ZC3H12C: variants seen among roughly 807,000 people sequenced by gnomAD.
The protein encoded by ZC3H12C is probable ribonuclease ZC3H12C.
Under a neutral mutation model 76.3 loss-of-function variants are expected in ZC3H12C, and 20 were observed. The observed-to-expected ratio is 0.26, with a 90% confidence interval of 0.18 to 0.38. The LOEUF is 0.38. Among genes scored for constraint, ZC3H12C ranks in the 10% least tolerant of loss-of-function variants. ZC3H12C has a pLI of 1.00. For synonymous variants in ZC3H12C, 352 were observed against 399.6 expected (o/e 0.88, Z 1.42); for missense variants, 874 against 1,086.5 (o/e 0.80, Z 2.75).
At chr11:110,101,765 G>C (rs2134144468) in intron 1 of ZC3H12C, among the ~76,000 whole-genome samples, 2 of 151,992 alleles carry the variant, frequency 1.3e-5, no homozygotes, top group African/African-American at 4.8e-5. Flanking sequence ...GGCCAGGCTA[G>C]CCTTGAACTC....
At chr11:110,096,994 T>C (rs913454430) in intron 1 of ZC3H12C, among the ~76,000 whole-genome samples, 4 of 152,248 alleles carry the variant, frequency 2.6e-5, no homozygotes, top group Non-Finnish European at 4.4e-5. Flanking sequence ...TTTTTATTGA[T>C]TTTTATAACT....
At chr11:110,152,809 C>T (rs943029374) in intron 2 of ZC3H12C, 110 bp from the exon 3 acceptor site, 19 of 1,221,344 alleles carry the variant, frequency 1.6e-5, no homozygotes, top group East Asian at 7.7e-5. Context: ...TTAACTCTGA[C>T]GTCTCTTATT....
chr11:110,142,160 A>G (rs1862077448), intron 2 of ZC3H12C, among the ~76,000 whole-genome samples: 1 of 152,202 alleles, frequency 6.6e-6, no homozygotes, highest in Admixed American at 6.5e-5. Flanking sequence ...GTTTAATTAT[A>G]TCATTGTGGA....
At chr11:110,132,836 A>C (rs184055346) in intron 1 of ZC3H12C, among the ~76,000 whole-genome samples, 55 of 152,308 alleles carry the variant, frequency 3.6e-4, no homozygotes, top group African/African-American at 1.3e-3. Flanking sequence ...AGTAAATGCA[A>C]ACTTAAAAGT....
rs746870693 is a variant in ZC3H12C at position 110,165,767 on chromosome 11, G to GT, written c.*36dup. 2.3e-5 allele frequency: 36 copies of GT among 1,538,244 alleles called. No individual in the cohort carries two copies. The highest frequency in any genetic ancestry group is 4.0e-5 in the Admixed American group (2 of 49,744). ...TGATGCATCTTTGTGGTGTTTAGTA[G>GT]TTTTTTGTTCAGCTCAAATGCTGAG... On this transcript the variant is annotated 3_prime_UTR_variant, in exon 6 of 6. Transcript: ENST00000278590.
intron 2 of ZC3H12C, among the ~76,000 whole-genome samples, chr11:110,146,729 C>T (rs1862178153): frequency 6.6e-6 from 1 of 152,188 alleles, no homozygotes; most frequent in African/African-American, 2.4e-5. Flanking sequence ...TCTTAAGTTT[C>T]TTTGTCTTTA....
intron 2 of ZC3H12C, among the ~76,000 whole-genome samples, chr11:110,138,606 G>A (rs1862014010): frequency 6.6e-6 from 1 of 151,134 alleles, no homozygotes; most frequent in Non-Finnish European, 1.5e-5. Context: ...CACCCAGACT[G>A]GAGTGCAGTG....
intron 3 of ZC3H12C, among the ~76,000 whole-genome samples, chr11:110,156,253 T>C (rs1862375903): frequency 6.6e-6 from 1 of 152,154 alleles, no homozygotes; most frequent in East Asian, 1.9e-4. Flanking sequence ...AGCCCAATAC[T>C]CTTTCACTGC....
At chr11:110,114,469 G>C (rs1861489122) in intron 1 of ZC3H12C, among the ~76,000 whole-genome samples, 2 of 152,098 alleles carry the variant, frequency 1.3e-5, no homozygotes, top group Non-Finnish European at 2.9e-5. Flanking sequence ...ATAGCAACTT[G>C]TATTCATGTT....
At position 110,159,237 on chromosome 11, in the gene ZC3H12C, A is replaced by G. The variant is rs747501221; in HGVS notation, c.914-19A>G. The G allele has an allele frequency of 1.1e-5, 18 of 1,580,392 alleles. No individual in the cohort carries two copies. The South Asian group carries it at 2.1e-4, about 18-fold the overall frequency. On this transcript the variant is annotated intron_variant, in intron 3 of 5. Coordinates refer to ENST00000278590, the MANE Select transcript of ZC3H12C (RefSeq NM_033390.2). ...CTATGTATTTACTTTCTGCCATCCT[A>G]CCGTCATTATTCTTGCAGATCAGGA...
At chr11:110,104,474 A>G (rs1447556660) in intron 1 of ZC3H12C, among the ~76,000 whole-genome samples, 1 of 152,164 alleles carries the variant, frequency 6.6e-6, no homozygotes, top group Non-Finnish European at 1.5e-5. Context: ...GGAGAGACTT[A>G]CGCTGTGGAT....
rs1169656436 is a variant in ZC3H12C at position 110,170,697 on chromosome 11, T to G, written c.*4960T>G. ...TGAATTCGTTGGAAGTACACGCTGC[T>G]GAGCATGTTTATTCACAGTGCTTTA... On this transcript the variant is annotated 3_prime_UTR_variant, in exon 6 of 6. Transcript: ENST00000278590. 2.0e-5 allele frequency: 3 copies of G among 152,242 alleles called. No individual in the cohort carries two copies. The highest frequency in any genetic ancestry group is 2.0e-4 in the Admixed American group (3 of 15,290). 9.4% of individuals were successfully genotyped at this position (152,242 alleles called of 1,614,324 possible). A position where few individuals can be genotyped will look rare whatever the true frequency, so the allele number is the denominator to read the frequency against.
chr11:110,138,855 G>A (rs932055932), intron 2 of ZC3H12C, among the ~76,000 whole-genome samples: 2 of 152,090 alleles, frequency 1.3e-5, no homozygotes, highest in Non-Finnish European at 2.9e-5. Context: ...CACCACTCCT[G>A]GCCTGCATTA....
intron 2 of ZC3H12C, among the ~76,000 whole-genome samples, chr11:110,139,246 C>T (rs1472874226): frequency 6.6e-6 from 1 of 150,738 alleles, no homozygotes; most frequent in African/African-American, 2.4e-5. Context: ...CTTGCCAAGA[C>T]AAAATGGAAT....
At chr11:110,128,889 C>CAAAAAAAAAAAAAA (rs145436449) in intron 1 of ZC3H12C, among the ~76,000 whole-genome samples, 3 of 94,172 alleles carry the variant, frequency 3.2e-5, no homozygotes, top group African/African-American at 7.4e-5. Context: ...CCACCACTAA[C>CAAAAAAAAAAAAAA]AAAAAAAAAA....
chr11:110,105,926 A>G lies in ZC3H12C; in HGVS notation c.21+12494A>G, dbSNP rs1395216164. 3.3e-5 allele frequency among the ~76,000 whole-genome samples: 5 copies of G among 152,294 alleles called. No homozygotes were observed. In the East Asian group the frequency reaches 9.6e-4, roughly 29 times the overall value. ...ATATAGGTCTGTTTAACATTATTGAATATATTTTTAACAAATTCCTAGATG... is the reference window on the plus strand; with the variant it reads ...ATATAGGTCTGTTTAACATTATTGAGTATATTTTTAACAAATTCCTAGATG... On this transcript the variant is annotated intron_variant, in intron 1 of 5. Transcript: ENST00000278590.
At chr11:110,093,496 T>G (rs1861047677) in intron 1 of ZC3H12C, 64 bp downstream of exon 1, 5 of 1,137,538 alleles carry the variant, frequency 4.4e-6, no homozygotes, top group East Asian at 3.9e-5. Flanking sequence ...GGGTAGCCGG[T>G]CGTGGGGAGG....
Position 110,164,446 on chromosome 11 carries a change from C to T in ZC3H12C, c.1361C>T (p.Thr454Met), listed in dbSNP as rs769365245. The change falls in exon 6 of 6, where the codon ACG becomes ATG. Residue 454 changes from threonine to methionine, a missense_variant. Physicochemically the swap from Thr to Met is moderately conservative, Grantham distance 81. Around this residue, in one of 3 missense-constraint regions of ZC3H12C, gnomAD observed 269 missense variants for 424.9 expected, o/e 0.63. Coordinates refer to ENST00000278590, the MANE Select transcript of ZC3H12C (RefSeq NM_033390.2). The surrounding 1 kb of genome is among the most constrained non-coding windows in gnomAD (Gnocchi z 5.7). ...ADELRAMSRN[T>M]AAKTANEGGL... ...GAACTCCGTGCCATGTCTAGAAATA[C>T]GGCAGCCAAAACTGCAAACGAAGGA... 7.4e-6 allele frequency: 12 copies of T among 1,613,868 alleles called. No homozygotes were observed. Among genetic ancestry groups the T allele is most frequent in the East Asian group, 2.2e-5 (1 of 44,898 alleles).
chr11:110,104,792 T>C (rs1210534019), intron 1 of ZC3H12C, among the ~76,000 whole-genome samples: 1 of 152,206 alleles, frequency 6.6e-6, no homozygotes, highest in Non-Finnish European at 1.5e-5. Flanking sequence ...GCTTGACACA[T>C]AGAAGGCACT....
Sources: allele counts gnomAD v4.1 joint callset (sites outside exome capture counted in the v4.1 genomes callset), GRCh38; gene constraint gnomAD v4.1.1; regional missense constraint gnomAD v4.1.1; non-coding constraint Gnocchi (gnomAD v3.1); transcripts MANE v1.5; gene names NCBI Gene and HGNC (gene_info 2026-07-23, HGNC 2026-07-21).